Variants in SCAPER observed in about 807,000 individuals in gnomAD.
SCAPER encodes S phase cyclin A-associated protein in the endoplasmic reticulum.
SCAPER carries 98 observed loss-of-function variants against 182.2 expected under a neutral mutation model. That is an observed-to-expected ratio of 0.54 (90% CI 0.46 to 0.64). SCAPER has a LOEUF of 0.64. Ranked by LOEUF, SCAPER falls within the 30% of genes least tolerant of loss-of-function variation. The probability of loss-of-function intolerance (pLI) is 0.00; values close to 1 mark genes in which losing one functional copy is unlikely to be tolerated. For synonymous variants in SCAPER, 605 were observed against 564.6 expected (o/e 1.07, Z -1.01); for missense variants, 1,432 against 1,690.0 (o/e 0.85, Z 2.68).
intron 23 of SCAPER, among the ~76,000 whole-genome samples, chr15:76,519,675 C>A (rs1893696644): frequency 1.3e-5 from 2 of 152,150 alleles, no homozygotes; most frequent in African/African-American, 2.4e-5. Context: ...TCCTCTTATC[C>A]TCTTGATGCC....
intron 23 of SCAPER, among the ~76,000 whole-genome samples, chr15:76,530,405 G>A (rs2043554989): frequency 6.6e-6 from 1 of 152,152 alleles, no homozygotes; most frequent in South Asian, 2.1e-4. Context: ...CCTTTTGAAA[G>A]AGTAGTGTGC....
intron 15 of SCAPER, among the ~76,000 whole-genome samples, chr15:76,734,301 C>T (rs1205418215): frequency 5.9e-5 from 9 of 152,174 alleles, no homozygotes; most frequent in Non-Finnish European, 1.3e-4. Context: ...AGGATCAACC[C>T]TCTCATTCTT....
intron 2 of SCAPER, among the ~76,000 whole-genome samples, chr15:76,866,383 G>GT (rs1280327034): frequency 6.6e-6 from 1 of 152,080 alleles, no homozygotes; most frequent in Non-Finnish European, 1.5e-5. Flanking sequence ...TAGCAATGTT[G>GT]TAACACTAGA....
At chr15:76,589,147 G>T (rs140730118) in intron 22 of SCAPER, among the ~76,000 whole-genome samples, 1 of 152,090 alleles carries the variant, frequency 6.6e-6, no homozygotes, top group Non-Finnish European at 1.5e-5. Context: ...ACTCTGTGAG[G>T]GTCCTTAGTT....
rs1598596584 is a variant in SCAPER at position 76,765,382 on chromosome 15, T to C, written c.1568A>G (p.His523Arg). 6.2e-7 allele frequency: 1 copy of C among 1,613,936 alleles called. No homozygotes were observed. Among genetic ancestry groups the C allele is most frequent in the African/African-American group, 1.3e-5 (1 of 75,060 alleles). ...VEEEPARPPG[H>R]GIHMHEKLSS... ...AAGTTTTTCATGCATGTGAATTCCA[T>C]GCCCTGGAGGTCTAGCAGGTTCTTC... The change falls in exon 13 of 32, where the codon CAT becomes CGT. Residue 523 changes from histidine (H) to arginine (R), a missense_variant. His to Arg is a conservative substitution (Grantham distance 29). Transcript: ENST00000563290.
chr15:76,750,153 GC>G (rs2062008072), intron 15 of SCAPER, among the ~76,000 whole-genome samples: 1 of 150,924 alleles, frequency 6.6e-6, no homozygotes, highest in African/African-American at 2.4e-5. Context: ...AACAACTGGT[GC>G]TGGAACAGTA....
chr15:76,821,024 G>C (rs564147504), intron 5 of SCAPER, among the ~76,000 whole-genome samples: 11 of 152,226 alleles, frequency 7.2e-5, no homozygotes, highest in Non-Finnish European at 1.6e-4. Flanking sequence ...TTTATTGCTA[G>C]TGGGAATGCA....
intron 20 of SCAPER, among the ~76,000 whole-genome samples, chr15:76,691,805 T>C (rs2058375854): frequency 6.6e-6 from 1 of 152,156 alleles, no homozygotes; most frequent in South Asian, 2.1e-4. Context: ...ACACATGATA[T>C]CACCAAAACT....
intron 24 of SCAPER, among the ~76,000 whole-genome samples, chr15:76,473,493 G>A (rs149229363): frequency 2.0e-5 from 3 of 152,278 alleles, no homozygotes; most frequent in Admixed American, 6.5e-5. Flanking sequence ...AGTGACCAAC[G>A]TTTATTTTGG....
At chr15:76,902,116 G>A (rs73457161) in intron 1 of SCAPER, among the ~76,000 whole-genome samples, 14,134 of 152,124 alleles carry the variant, frequency 0.093, 813 homozygotes, top group African/African-American at 0.16. Flanking sequence ...AGCCAAACAT[G>A]TTTGTGAAAA....
At chr15:76,444,633 A>G (rs1477564931) in intron 25 of SCAPER, among the ~76,000 whole-genome samples, 2 of 152,146 alleles carry the variant, frequency 1.3e-5, no homozygotes, top group Non-Finnish European at 1.5e-5. Context: ...TCTTTTGCCA[A>G]ATTTGGGACC....
intron 20 of SCAPER, among the ~76,000 whole-genome samples, chr15:76,694,436 CAT>C (rs1378265743): frequency 6.6e-6 from 1 of 152,000 alleles, no homozygotes; most frequent in Non-Finnish European, 1.5e-5. Context: ...GTAATCACTA[CAT>C]AGAGTATGCA....
chr15:76,376,215 G>A lies in SCAPER; in HGVS notation c.3802C>T (p.His1268Tyr). 1 of 1,614,052 alleles carries A rather than the reference G, an allele frequency of 6.2e-7. No homozygotes were observed. The stretch of plus-strand genomic sequence containing the variant: ...TAGCCCACACAGACGATGACCTCAT[G>A]AAGGAGGCTTTCACAGGAGACTTGG... ...CSQVSCESLL[H>Y]EVIVCVGYFT... The change falls in exon 29 of 32, where the codon CAT becomes TAT. Residue 1268 changes from histidine to tyrosine, a missense_variant. Physicochemically the swap from His to Tyr is moderately conservative, Grantham distance 83. Around this residue, in one of 5 missense-constraint regions of SCAPER, gnomAD observed 718 missense variants for 799.7 expected, o/e 0.90. Transcript: ENST00000563290.
chr15:76,489,631 T>C (rs1168459526), intron 24 of SCAPER, among the ~76,000 whole-genome samples: 1 of 152,144 alleles, frequency 6.6e-6, no homozygotes, highest in Non-Finnish European at 1.5e-5. Context: ...AAATTTTATA[T>C]TTATTTTATT....
At chr15:76,670,265 CAT>C (rs1277043792) in intron 20 of SCAPER, among the ~76,000 whole-genome samples, 8 of 151,798 alleles carry the variant, frequency 5.3e-5, no homozygotes, top group East Asian at 1.9e-4. Context: ...GTTCTTTGCA[CAT>C]ATAGTTTTTT....
In SCAPER at chr15:76,609,830, A is replaced by G. The variant is rs552237738; in HGVS notation, c.2711+11934T>C. Reference sequence around the variant, plus strand: ...TATAATTCTATGATTAGGTCTCACTATTTTGGTAAGCCTGTGCAGCTGGAC... The same window carrying G: ...TATAATTCTATGATTAGGTCTCACTGTTTTGGTAAGCCTGTGCAGCTGGAC... On this transcript the variant is annotated intron_variant, in intron 22 of 31. Transcript: ENST00000563290. Among the ~76,000 whole-genome samples, 21 of 152,276 alleles carry G rather than the reference A, an allele frequency of 1.4e-4. No homozygotes were observed. In the South Asian group the frequency reaches 3.1e-3, roughly 23 times the overall value.
chr15:76,782,545 C>G (rs2064236305), intron 8 of SCAPER, among the ~76,000 whole-genome samples: 1 of 152,182 alleles, frequency 6.6e-6, no homozygotes, highest in Non-Finnish European at 1.5e-5. Flanking sequence ...TAGACATCTA[C>G]AGAACTCTCC....
chr15:76,397,655 T>G (rs2044169301), intron 27 of SCAPER, among the ~76,000 whole-genome samples: 1 of 152,044 alleles, frequency 6.6e-6, no homozygotes, highest in South Asian at 2.1e-4. Flanking sequence ...TAATTTTGTA[T>G]TTTTAGTAGA....
chr15:76,652,337 C>CACACACAT (rs1555519597), intron 21 of SCAPER, among the ~76,000 whole-genome samples: 1 of 13,796 alleles, frequency 7.2e-5, no homozygotes, highest in African/African-American at 2.6e-4. Flanking sequence ...CACACATACA[C>CACACACAT]ATATATACAC....
Sources: allele counts gnomAD v4.1 joint callset (sites outside exome capture counted in the v4.1 genomes callset), GRCh38; gene constraint gnomAD v4.1.1; regional missense constraint gnomAD v4.1.1; transcripts MANE v1.5; gene names NCBI Gene and HGNC (gene_info 2026-07-23, HGNC 2026-07-21).